MTCL2: variants seen among roughly 807,000 people sequenced by gnomAD.
MTCL2 encodes the protein microtubule cross-linking factor 2.
the MTCL2 span, among the ~76,000 whole-genome samples, chr20:36,809,777 T>C: frequency 6.6e-6 from 1 of 152,064 alleles, no homozygotes; most frequent in Non-Finnish European, 1.5e-5. Flanking sequence ...GGTTTCCATG[T>C]TGGCCAGGCT....
the MTCL2 span, chr20:36,815,849 G>A: frequency 7.5e-6 from 12 of 1,601,252 alleles, no homozygotes; most frequent in East Asian, 2.3e-5. This position sits in a 1 kb window ranked among gnomAD's most constrained non-coding sequence, Gnocchi z 5.3. Flanking sequence ...CCTCGAGCTC[G>A]GCAGAGGAGC....
At chr20:36,813,587 A>C in the MTCL2 span, among the ~76,000 whole-genome samples, 2 of 151,220 alleles carry the variant, frequency 1.3e-5, no homozygotes, top group African/African-American at 2.4e-5. Context: ...TACAAAAATT[A>C]GCCAGGTGTG....
At chr20:36,814,661 C>T in the MTCL2 span, among the ~76,000 whole-genome samples, 3 of 152,144 alleles carry the variant, frequency 2.0e-5, no homozygotes, top group African/African-American at 4.8e-5. Flanking sequence ...CAAAGGCGGT[C>T]GGATCACTTG....
At chr20:36,816,149 T>C in the MTCL2 span, 1 of 1,613,762 alleles carries the variant, frequency 6.2e-7, no homozygotes, top group Non-Finnish European at 8.5e-7. Flanking sequence ...GCTCCTCGGC[T>C]GACAGCGCGC....
chr20:36,842,773 C>CA, the MTCL2 span, among the ~76,000 whole-genome samples: 26 of 149,250 alleles, frequency 1.7e-4, no homozygotes, highest in African/African-American at 6.4e-4. Flanking sequence ...CTCTGTCTCA[C>CA]AAAATAAAAA....
chr20:36,797,516 T>C, the MTCL2 span: 2 of 1,554,738 alleles, frequency 1.3e-6, no homozygotes, highest in Non-Finnish European at 1.7e-6. Flanking sequence ...TTCCAGCTGT[T>C]GTCCTGCTTC....
At chr20:36,805,901 C>T in the MTCL2 span, 35 of 1,613,582 alleles carry the variant, frequency 2.2e-5, no homozygotes, top group Non-Finnish European at 2.6e-5. Flanking sequence ...TATCAGAATG[C>T]TGAGCGTTTA....
the MTCL2 span, chr20:36,862,598 C>T: frequency 7.1e-7 from 1 of 1,417,140 alleles, no homozygotes; most frequent in South Asian, 1.4e-5. Flanking sequence ...TGCCTCAGGC[C>T]CGCGGGACTG....
At chr20:36,814,847 A>C in the MTCL2 span, among the ~76,000 whole-genome samples, 23 of 152,200 alleles carry the variant, frequency 1.5e-4, no homozygotes, top group African/African-American at 5.3e-4. Flanking sequence ...AGATTGCGCC[A>C]CTGCATTCCA....
the MTCL2 span, chr20:36,802,944 T>C: frequency 1.3e-6 from 2 of 1,577,840 alleles, no homozygotes; most frequent in Non-Finnish European, 1.7e-6. Context: ...CAGCTTTTCC[T>C]GGCTCCAGTT....
At chr20:36,786,751 C>T in the MTCL2 span, 6 of 1,051,394 alleles carry the variant, frequency 5.7e-6, no homozygotes, top group Non-Finnish European at 8.1e-6. Context: ...AAACCAGTTC[C>T]CAGGGGCTGA....
the MTCL2 span, chr20:36,784,139 G>A: frequency 7.1e-6 from 7 of 985,640 alleles, no homozygotes; most frequent in South Asian, 4.7e-5. Flanking sequence ...CCTGGCTGTC[G>A]CTCTGGGAGG....
the MTCL2 span, among the ~76,000 whole-genome samples, chr20:36,836,635 C>A: frequency 9.8e-4 from 149 of 152,140 alleles, 1 homozygote; most frequent in Middle Eastern, 3.4e-3. Context: ...TGAGCCACCA[C>A]CCCCAGCCTC....
chr20:36,827,357 C>CTT, the MTCL2 span, among the ~76,000 whole-genome samples: 134 of 116,308 alleles, frequency 1.2e-3, no homozygotes, highest in Admixed American at 2.0e-3. Context: ...CTGGACCCCC[C>CTT]TTTTTTTTTT....
the MTCL2 span, among the ~76,000 whole-genome samples, chr20:36,787,333 T>C: frequency 6.6e-6 from 1 of 152,116 alleles, no homozygotes; most frequent in African/African-American, 2.4e-5. Context: ...ATTCAAGTGA[T>C]TCTTGTGCCT....
the MTCL2 span, among the ~76,000 whole-genome samples, chr20:36,826,296 CCCCCCTCCCCCTCCCCCT>C: frequency 4.8e-5 from 2 of 41,312 alleles, no homozygotes; most frequent in African/African-American, 2.1e-4. Context: ...TTTTCTGTTT[CCCCCCTCCCCCTCCCCCT>C]CCCCCTCTCC....
At chr20:36,784,118 T>G in the MTCL2 span, 1 of 985,656 alleles carries the variant, frequency 1.0e-6, no homozygotes, top group Non-Finnish European at 1.2e-6. Flanking sequence ...CGAGGCTGAG[T>G]ACGCAGCCTC....
chr20:36,827,601 G>A, the MTCL2 span, among the ~76,000 whole-genome samples: 1 of 151,982 alleles, frequency 6.6e-6, no homozygotes, highest in Non-Finnish European at 1.5e-5. Context: ...CAAAGTGCTG[G>A]GATTATAGGT....
At chr20:36,821,910 GT>G in the MTCL2 span, among the ~76,000 whole-genome samples, 1 of 152,208 alleles carries the variant, frequency 6.6e-6, no homozygotes, top group South Asian at 2.1e-4. Context: ...ATTATAAAAG[GT>G]TTTTAAAATA....
Sources: allele counts gnomAD v4.1 joint callset (sites outside exome capture counted in the v4.1 genomes callset), GRCh38; gene constraint gnomAD v4.1.1; non-coding constraint Gnocchi (gnomAD v3.1); transcripts MANE v1.5; gene names NCBI Gene and HGNC (gene_info 2026-07-23, HGNC 2026-07-21).